The following SCAPER variants were observed in gnomAD, a reference collection of about 807,000 sequenced individuals.
SCAPER encodes the protein S phase cyclin A-associated protein in the endoplasmic reticulum.
In SCAPER, 98 loss-of-function variants were observed where a neutral mutation model predicts 182.2. The observed-to-expected ratio is 0.54, with a 90% CI of 0.46 to 0.64. The LOEUF is 0.64. Ranked by LOEUF, SCAPER falls within the 30% of genes least tolerant of loss-of-function variation. The probability of loss-of-function intolerance (pLI) is 0.00; values close to 1 mark genes in which losing one functional copy is unlikely to be tolerated. For missense variants in SCAPER, 1,432 were observed against 1,690.0 expected, an observed-to-expected ratio of 0.85 and a Z score of 2.68; for synonymous variants, 605 against 564.6, an observed-to-expected ratio of 1.07 and a Z score of -1.01.
intron 1 of SCAPER, among the ~76,000 whole-genome samples, chr15:76,892,618 G>C (rs1051281743): frequency 6.6e-6 from 1 of 152,190 alleles, no homozygotes; most frequent in Non-Finnish European, 1.5e-5. Flanking sequence ...AAACCACGAT[G>C]AGATACCATC....
intron 23 of SCAPER, among the ~76,000 whole-genome samples, chr15:76,567,642 T>C (rs1393914640): frequency 6.6e-6 from 1 of 152,216 alleles, no homozygotes; most frequent in East Asian, 1.9e-4. Flanking sequence ...GTTGACTATC[T>C]TCACATTTAT....
intron 4 of SCAPER, among the ~76,000 whole-genome samples, chr15:76,848,351 C>T (rs2070351178): frequency 7.9e-6 from 1 of 126,566 alleles, no homozygotes; most frequent in African/African-American, 3.2e-5. Flanking sequence ...TTTTTTGACA[C>T]AGAGTCTCGC....
At chr15:76,357,190 C>CACACACACACACACA (rs1364364928) in intron 29 of SCAPER, among the ~76,000 whole-genome samples, 12 of 40,122 alleles carry the variant, frequency 3.0e-4, no homozygotes, top group South Asian at 2.8e-3. Flanking sequence ...ACACACACAC[C>CACACACACACACACA]CCTATGGCCA....
intron 24 of SCAPER, among the ~76,000 whole-genome samples, chr15:76,477,237 C>G (rs1174187107): frequency 6.6e-6 from 1 of 152,194 alleles, no homozygotes. Flanking sequence ...TTCTTTACTT[C>G]ATTGCCTTCA....
At position 76,616,717 on chromosome 15, in the gene SCAPER, G is replaced by A. The variant is rs2051524969; in HGVS notation, c.2711+5047C>T. ...TATAGTATAGATATGAAGTACTGAT[G>A]ACTTAATTTGCTTTCCTTGTTGATA... On this transcript the variant is annotated intron_variant, in intron 22 of 31. Coordinates refer to ENST00000563290, the MANE Select transcript of SCAPER (RefSeq NM_020843.4). Among the ~76,000 whole-genome samples the A allele has an allele frequency of 4.6e-5, 7 of 152,184 alleles. No individual in the cohort carries two copies. The South Asian group carries it at 1.5e-3, about 32-fold the overall frequency.
intron 22 of SCAPER, among the ~76,000 whole-genome samples, chr15:76,619,006 A>G (rs937866392): frequency 1.3e-5 from 2 of 152,128 alleles, no homozygotes; most frequent in African/African-American, 4.8e-5. Flanking sequence ...CACTATGCCC[A>G]GCTAGTTTTT....
At chr15:76,572,562 T>C (rs1013484252) in intron 23 of SCAPER, among the ~76,000 whole-genome samples, 12 of 152,194 alleles carry the variant, frequency 7.9e-5, no homozygotes, top group Admixed American at 1.3e-4. Flanking sequence ...TCTTGCAAAG[T>C]TGGACACTGA....
chr15:76,411,230 A>T (rs2045268224), intron 26 of SCAPER, among the ~76,000 whole-genome samples: 1 of 152,044 alleles, frequency 6.6e-6, no homozygotes, highest in Non-Finnish European at 1.5e-5. Context: ...TCCTTTCTTT[A>T]TATTGTTGAT....
Position 76,569,639 on chromosome 15 carries a change from T to C in SCAPER, c.2838+4519A>G, listed in dbSNP as rs186199293. Among the ~76,000 whole-genome samples the C allele has an allele frequency of 2.4e-3, 364 of 152,262 alleles. 3 individuals carry two copies. The highest frequency in any genetic ancestry group is 1.6e-3 in the Non-Finnish European group (112 of 67,982). ...ATGATTATCACTTCAAATACTTCTC[T>C]CTTCTCCTTTTGGAGCTCTAATTAT... On this transcript the variant is annotated intron_variant, in intron 23 of 31. Transcript: ENST00000563290.
In SCAPER at chr15:76,603,281, C is replaced by T. The variant is rs2050068170; in HGVS notation, c.2711+18483G>A. On this transcript the variant is annotated intron_variant, in intron 22 of 31. Transcript: ENST00000563290. ...ATTCCCACCTATGAGCGAGAACATG[C>T]GGTGTTTTTTTGTCCTTGCGATAGT... Among the ~76,000 whole-genome samples the T allele has an allele frequency of 2.5e-5, 3 of 118,482 alleles. 1 individual carries two copies. Among genetic ancestry groups the T allele is most frequent in the Non-Finnish European group, 4.1e-5 (2 of 48,834 alleles). 77.7% of individuals were successfully genotyped at this position (118,482 alleles called of 152,430 possible). A position where few individuals can be genotyped will look rare whatever the true frequency, so the allele number is the denominator to read the frequency against.
intron 25 of SCAPER, among the ~76,000 whole-genome samples, chr15:76,458,243 C>A (rs143159345): frequency 5.1e-4 from 77 of 151,978 alleles, no homozygotes; most frequent in Non-Finnish European, 8.1e-4. Context: ...TATACCCACA[C>A]ATACAGACTC....
intron 23 of SCAPER, among the ~76,000 whole-genome samples, chr15:76,537,898 G>A (rs1362895007): frequency 1.3e-5 from 2 of 151,954 alleles, no homozygotes; most frequent in Non-Finnish European, 1.5e-5. Flanking sequence ...ATCAAAAAGT[G>A]GGCAAAGGAT....
chr15:76,400,022 GAGAAA>G lies in SCAPER; in HGVS notation c.3467+4497_3467+4501del, dbSNP rs955559596. 1.8e-4 allele frequency among the ~76,000 whole-genome samples: 26 copies of G among 144,916 alleles called. 2 individuals are homozygous for G. The highest frequency in any genetic ancestry group is 5.1e-4 in the African/African-American group (20 of 39,384). On this transcript the variant is annotated intron_variant, in intron 27 of 31. Transcript: ENST00000563290. Reference sequence around the variant, plus strand: ...TCCGTCTCAAAAAAAAAAAAAAAAAGAGAAAAGAAAAGAAAAGAAAACCTAGGTAA... The same window carrying G: ...TCCGTCTCAAAAAAAAAAAAAAAAAGAGAAAAGAAAAGAAAACCTAGGTAA...
intron 20 of SCAPER, among the ~76,000 whole-genome samples, chr15:76,688,145 A>C (rs952009618): frequency 1.3e-5 from 2 of 152,154 alleles, no homozygotes; most frequent in African/African-American, 4.8e-5. Flanking sequence ...CTGGCGTGAG[A>C]TGGGATCTCA....
intron 8 of SCAPER, among the ~76,000 whole-genome samples, chr15:76,783,237 A>G (rs572808688): frequency 1.3e-5 from 2 of 152,352 alleles, no homozygotes; most frequent in East Asian, 3.9e-4. Context: ...AACTACCATC[A>G]GAGAATACTA....
At chr15:76,766,892 T>G in intron 11 of SCAPER, 26 bp downstream of exon 11, 1 of 1,568,792 alleles carries the variant, frequency 6.4e-7, no homozygotes, top group South Asian at 1.2e-5. Context: ...TTTTGAATAG[T>G]TATGTTAAAA....
chr15:76,705,741 T>C (rs757788528), intron 18 of SCAPER, among the ~76,000 whole-genome samples, 162 bp downstream of exon 18: 8 of 152,108 alleles, frequency 5.3e-5, no homozygotes, highest in Non-Finnish European at 1.0e-4. Context: ...GTAAACTTAG[T>C]TTCCAGGTAC....
chr15:76,745,935 A>G (rs2061770135), intron 15 of SCAPER, among the ~76,000 whole-genome samples: 1 of 152,214 alleles, frequency 6.6e-6, no homozygotes, highest in South Asian at 2.1e-4. Context: ...AAACAAAAAG[A>G]TAAAAATACT....
intron 17 of SCAPER, among the ~76,000 whole-genome samples, chr15:76,719,416 C>T (rs754659353): frequency 3.9e-5 from 6 of 151,978 alleles, no homozygotes; most frequent in East Asian, 1.9e-4. Context: ...AAAGAGGAGA[C>T]GTAGATCAGA....
Sources: gnomAD v4.1 joint callset for allele counts (sites outside exome capture counted in the v4.1 genomes callset) on GRCh38, gnomAD v4.1.1 for gene constraint, MANE v1.5 for transcripts, NCBI Gene and HGNC (gene_info 2026-07-23, HGNC 2026-07-21) for gene names.